SYDE2: variants seen among roughly 807,000 people sequenced by gnomAD.
SYDE2 encodes the protein synapse defective Rho GTPase homolog 2, also known as rho GTPase-activating protein SYDE2.
In SYDE2, 76 loss-of-function variants were observed where a neutral mutation model predicts 91.5. That is an observed-to-expected ratio of 0.83 (90% CI 0.69 to 1.01). The LOEUF is 1.01. Ranked by LOEUF, SYDE2 falls within the 50% of genes least tolerant of loss-of-function variation. The pLI is 0.00. For synonymous variants in SYDE2, 513 were observed against 506.4 expected (o/e 1.01, Z -0.18); for missense variants, 1,364 against 1,367.7 (o/e 1.00, Z 0.04).
chr1:85,190,780 A>G, intron 1 of SYDE2, 28 bp from the exon 2 acceptor site: 7 of 1,534,242 alleles, frequency 4.6e-6, no homozygotes, highest in Non-Finnish European at 6.2e-6. Context: ...TAGAAGGTAG[A>G]ATATAATGGC....
intron 2 of SYDE2, among the ~76,000 whole-genome samples, chr1:85,184,010 CTT>C (rs1658033422): frequency 6.6e-6 from 1 of 152,134 alleles, no homozygotes; most frequent in African/African-American, 2.4e-5. Flanking sequence ...AGCCAAAATG[CTT>C]TGTTTTTATA....
At chr1:85,156,374 T>C (rs1656882809), downstream of SYDE2, among the ~76,000 whole-genome samples, 3 of 151,054 alleles carry the variant, frequency 2.0e-5, no homozygotes, top group Non-Finnish European at 4.4e-5. Flanking sequence ...TACTGAGATC[T>C]TGTCTCTATT....
chr1:85,182,543 T>C lies in SYDE2; in HGVS notation c.2099A>G (p.Lys700Arg), dbSNP rs767644220. The change falls in exon 3 of 7, where the codon AAA (lysine) becomes AGA (arginine). Residue 700 changes from lysine (K) to arginine (R), a missense_variant. Physicochemically the swap from Lys to Arg is conservative, Grantham distance 26 (BLOSUM62 2). Coordinates refer to ENST00000341460, the MANE Select transcript of SYDE2 (RefSeq NM_032184.2). ...TACCTGAATTGCACAAAAGACGTCT[T>C]TTGAATCTATCCGAGGTGGTTTTAA... is the stretch of plus-strand genomic sequence containing the variant. The part of the protein sequence containing the change: ...EDLKPPRIDS[K>R]DVFCAIQVDS... 122 of 1,613,792 alleles carry C rather than the reference T, an allele frequency of 7.6e-5. No individual in the cohort carries two copies. Among genetic ancestry groups the C allele is most frequent in the Non-Finnish European group, 9.9e-5 (117 of 1,179,862 alleles).
chr1:85,180,387 T>A (rs926968742), intron 3 of SYDE2, among the ~76,000 whole-genome samples: 2 of 151,882 alleles, frequency 1.3e-5, no homozygotes, highest in Non-Finnish European at 1.5e-5. Flanking sequence ...AAAACAAAAA[T>A]GTCTTTAAAA....
intron 2 of SYDE2, among the ~76,000 whole-genome samples, chr1:85,186,277 C>T (rs1000618614): frequency 6.6e-6 from 1 of 151,990 alleles, no homozygotes; most frequent in Non-Finnish European, 1.5e-5. Context: ...TGTGTCTCTG[C>T]CTGGCTTTGG....
At chr1:85,181,911 TC>T (rs1657933746) in intron 3 of SYDE2, 186 bp downstream of exon 3, 6 of 558,654 alleles carry the variant, frequency 1.1e-5, no homozygotes, top group Non-Finnish European at 1.5e-5. Context: ...TCTAGCATGC[TC>T]TCAATAATGG....
intron 1 of SYDE2, among the ~76,000 whole-genome samples, chr1:85,193,482 C>T (rs894651264): frequency 6.6e-6 from 1 of 152,114 alleles, no homozygotes; most frequent in Non-Finnish European, 1.5e-5. Context: ...AGTTTTCTGA[C>T]ATACACTATA....
At chr1:85,165,865 A>ATTTT (rs529987571) in intron 5 of SYDE2, among the ~76,000 whole-genome samples, 4 of 94,124 alleles carry the variant, frequency 4.2e-5, no homozygotes, top group Admixed American at 1.2e-4. Flanking sequence ...AAAAACTTTA[A>ATTTT]TTTTTTTTTT....
chr1:85,164,858 A>G (rs1657205796), intron 5 of SYDE2, 101 bp from the exon 6 acceptor site: 1 of 703,636 alleles, frequency 1.4e-6, no homozygotes, highest in Non-Finnish European at 2.1e-6. Flanking sequence ...CACTTTTAAA[A>G]GGATTTTTTT....
Position 85,159,082 on chromosome 1 carries a change from T to C in SYDE2, c.3253A>G (p.Ser1085Gly). 1.3e-6 allele frequency: 1 copy of C among 780,918 alleles called. No individual in the cohort carries two copies. Among genetic ancestry groups the C allele is most frequent in the South Asian group, 1.3e-5 (1 of 74,622 alleles). 48.4% of individuals were successfully genotyped at this position (780,918 alleles called of 1,614,324 possible). The change falls in exon 7 of 7, where the codon AGC becomes GGC. Residue 1085 changes from serine (S) to glycine (G), a missense_variant. Coordinates refer to ENST00000341460, the MANE Select transcript of SYDE2 (RefSeq NM_032184.2). ...PRQNRLDSPL[S>G]NRYAGDWSSC... Reference sequence around the variant, plus strand: ...CTCCAGTCTCCTGCATAACGATTGCTAAGTGGACTGTCTAATCGGTTTTGC... The same window carrying C: ...CTCCAGTCTCCTGCATAACGATTGCCAAGTGGACTGTCTAATCGGTTTTGC...
Position 85,164,771 on chromosome 1 carries a change from A to G in SYDE2, c.2854-14T>C. ...CTTTAGGGTTGCCTAAATTAAATTA[A>G]ATTTCAATTAATATAGTCATAAAGA... On this transcript the variant is annotated splice_polypyrimidine_tract_variant and intron_variant, in intron 5 of 6. Coordinates refer to ENST00000341460, the MANE Select transcript of SYDE2 (RefSeq NM_032184.2). The G allele has an allele frequency of 4.6e-6, 6 of 1,316,258 alleles. No homozygotes were observed. In the Middle Eastern group the frequency reaches 7.8e-4, roughly 171 times the overall value. 81.5% of individuals were successfully genotyped at this position (1,316,258 alleles called of 1,614,324 possible). A position where few individuals can be genotyped will look rare whatever the true frequency, so the allele number is the denominator to read the frequency against.
chr1:85,190,926 T>C (rs978322407), intron 1 of SYDE2, among the ~76,000 whole-genome samples, 174 bp from the exon 2 acceptor site: 2 of 152,180 alleles, frequency 1.3e-5, no homozygotes, highest in African/African-American at 2.4e-5. Flanking sequence ...ATATGATTTA[T>C]ATTATTTAGA....
intron 1 of SYDE2, 59 bp from the exon 2 acceptor site, chr1:85,190,811 T>C: frequency 7.1e-7 from 1 of 1,411,534 alleles, no homozygotes; most frequent in Non-Finnish European, 9.6e-7. Context: ...GAAAGACATG[T>C]CACTTCAGAC....
chr1:85,170,273 T>A (rs925147514), intron 4 of SYDE2, among the ~76,000 whole-genome samples: 4 of 152,054 alleles, frequency 2.6e-5, no homozygotes, highest in Non-Finnish European at 5.9e-5. Flanking sequence ...GCTAATTTTC[T>A]TATTTTTTGT....
intron 5 of SYDE2, among the ~76,000 whole-genome samples, chr1:85,166,023 G>A (rs1484554025): frequency 6.6e-6 from 1 of 151,790 alleles, no homozygotes; most frequent in Non-Finnish European, 1.5e-5. Context: ...ACAGGCATGC[G>A]ACACCATACC....
intron 1 of SYDE2, among the ~76,000 whole-genome samples, chr1:85,194,363 G>A (rs1405633353): frequency 6.7e-6 from 1 of 149,140 alleles, no homozygotes; most frequent in Non-Finnish European, 1.5e-5. Context: ...GGGTCTCATT[G>A]TTGCCTATAT....
rs1414961246 is a variant in SYDE2 at position 85,182,721 on chromosome 1, T to C, written c.1921A>G (p.Lys641Glu). ...ATTATTTCTTTTCCTTTTCCAAATT[T>C]GTTTTCAGATCCATGTTTGCTAGCT... ...TKASKHGSEN[K>E]FGKGKEIISN... The change falls in exon 3 of 7, where the codon AAA becomes GAA. Residue 641 changes from lysine (K) to glutamate (E), a missense_variant. By Grantham distance (56) the Lys-to-Glu change is moderately conservative (BLOSUM62 1). Transcript: ENST00000341460. The C allele has an allele frequency of 5.0e-6, 8 of 1,613,734 alleles. No individual in the cohort carries two copies. The East Asian group carries it at 1.1e-4, about 22-fold the overall frequency.
At chr1:85,166,711 A>G (rs183773718) in intron 5 of SYDE2, among the ~76,000 whole-genome samples, 11 of 152,324 alleles carry the variant, frequency 7.2e-5, no homozygotes, top group African/African-American at 2.4e-4. Context: ...TTTTAAATTC[A>G]TAATTATTTC....
At chr1:85,185,680 C>T (rs1658109589) in intron 2 of SYDE2, among the ~76,000 whole-genome samples, 1 of 152,124 alleles carries the variant, frequency 6.6e-6, no homozygotes, top group Admixed American at 6.6e-5. Flanking sequence ...AGTTGCTTAT[C>T]AGCTTAAGGA....
Sources: gnomAD v4.1 joint callset for allele counts (sites outside exome capture counted in the v4.1 genomes callset) on GRCh38, gnomAD v4.1.1 for gene constraint, MANE v1.5 for transcripts, NCBI Gene and HGNC (gene_info 2026-07-23, HGNC 2026-07-21) for gene names.